Variants in ZCCHC4 observed in about 807,000 individuals in gnomAD.
The protein encoded by ZCCHC4 is zinc finger CCHC-type containing 4, also known as rRNA N(6)-adenosine-methyltransferase ZCCHC4.
A neutral mutation model predicts 67.7 loss-of-function variants in ZCCHC4; 54 were observed. That is an observed-to-expected ratio of 0.80 (90% confidence interval 0.64 to 1.00). The LOEUF (loss-of-function observed/expected upper bound fraction) is 1.00. Ranked by LOEUF, ZCCHC4 falls within the 50% of genes least tolerant of loss-of-function variation. The pLI, the probability that ZCCHC4 is intolerant of heterozygous loss-of-function variation, is 0.00. For synonymous variants in ZCCHC4, 198 were observed against 213.5 expected (o/e 0.93, Z 0.63); for missense variants, 609 against 617.0 (o/e 0.99, Z 0.14).
At chr4:25,348,000 G>GA (rs3839165) in intron 6 of ZCCHC4, among the ~76,000 whole-genome samples, 11,763 of 151,042 alleles carry the variant, frequency 0.078, 508 homozygotes, top group South Asian at 0.12. Flanking sequence ...TTCTTACCTG[G>GA]AAAAAAAAAT....
chr4:25,314,248 G>A (rs1322725139), intron 2 of ZCCHC4, 84 bp downstream of exon 2: 1 of 850,716 alleles, frequency 1.2e-6, no homozygotes. Context: ...ATAAAAATAT[G>A]CGGTCTGAAC....
chr4:25,343,900 A>G (rs1577749513), intron 5 of ZCCHC4, among the ~76,000 whole-genome samples: 1 of 152,312 alleles, frequency 6.6e-6, no homozygotes, highest in East Asian at 1.9e-4. Context: ...ATTTTTTTTC[A>G]GTCTTTTTAC....
chr4:25,364,579 C>A, intron 11 of ZCCHC4, 74 bp downstream of exon 11: 1 of 1,308,302 alleles, frequency 7.6e-7, no homozygotes, highest in East Asian at 2.5e-5. Context: ...ATAGATTTTT[C>A]ATTGGATTTA....
At chr4:25,328,106 G>A (rs1309371086) in intron 3 of ZCCHC4, among the ~76,000 whole-genome samples, 2 of 152,102 alleles carry the variant, frequency 1.3e-5, no homozygotes, top group Non-Finnish European at 1.5e-5. Context: ...AAATGAATTG[G>A]TAAGTGTTCT....
intron 8 of ZCCHC4, among the ~76,000 whole-genome samples, chr4:25,353,564 C>A (rs934757046): frequency 6.6e-6 from 1 of 152,188 alleles, no homozygotes; most frequent in African/African-American, 2.4e-5. Flanking sequence ...CATCTTCCGC[C>A]TTTGGCAATG....
chr4:25,325,011 A>G lies in ZCCHC4; in HGVS notation c.330-8172A>G, dbSNP rs547566862. ...GTAATCCCAGCACTTTGGGAGGCCAAGGCGGGTGGATCACGAGGTCAGGAG... is the reference window on the plus strand; with the variant it reads ...GTAATCCCAGCACTTTGGGAGGCCAGGGCGGGTGGATCACGAGGTCAGGAG... On this transcript the variant is annotated intron_variant, in intron 3 of 12. Transcript: ENST00000302874. Among the ~76,000 whole-genome samples the G allele has an allele frequency of 3.9e-5, 6 of 152,234 alleles. No homozygotes were observed. The South Asian group carries it at 1.0e-3, about 26-fold the overall frequency.
In ZCCHC4 at chr4:25,365,133, G is replaced by A. The variant is rs775897934; in HGVS notation, c.1373G>A (p.Cys458Tyr). Reference sequence around the variant, plus strand: ...GAACTGGATCATAAACGCAGTACTTGTCCTAACATTGCTACATCTAAGAGA... The same window carrying A: ...GAACTGGATCATAAACGCAGTACTTATCCTAACATTGCTACATCTAAGAGA... The part of the protein sequence containing the change: ...CGELDHKRST[C>Y]PNIATSKRAN... The change falls in exon 12 of 13, where the codon TGT becomes TAT. Residue 458 changes from cysteine (C) to tyrosine (Y), a missense_variant. Transcript: ENST00000302874. 5.6e-6 allele frequency: 9 copies of A among 1,614,002 alleles called. No homozygotes were observed. In the South Asian group the frequency reaches 6.6e-5, roughly 12 times the overall value.
intron 5 of ZCCHC4, among the ~76,000 whole-genome samples, chr4:25,345,102 C>A (rs1297895996): frequency 1.3e-5 from 2 of 151,878 alleles, no homozygotes; most frequent in African/African-American, 4.8e-5. Context: ...TGTGCCCGGC[C>A]TGTATTAAAT....
intron 8 of ZCCHC4, chr4:25,352,154 G>A (rs1720330568): frequency 2.0e-6 from 2 of 985,686 alleles, no homozygotes; most frequent in Non-Finnish European, 2.4e-6. Flanking sequence ...GATGTCAGGA[G>A]TGTCAGAGAA....
intron 2 of ZCCHC4, 151 bp downstream of exon 2, chr4:25,314,315 T>C (rs374945272): frequency 1.7e-6 from 1 of 592,940 alleles, no homozygotes; most frequent in East Asian, 2.6e-5. Context: ...GTTCAGAAAA[T>C]GAGTTCATGT....
intron 8 of ZCCHC4, chr4:25,361,573 C>T: frequency 2.8e-6 from 1 of 362,770 alleles, no homozygotes; most frequent in Non-Finnish European, 5.0e-6. Context: ...GTACATATGG[C>T]CTGCACCCAT....
Position 25,369,071 on chromosome 4 carries a change from A to G in ZCCHC4, c.1449A>G (p.Lys483=), listed in dbSNP as rs543601572. ...KQKQRKSNKM[K]METTKGQSMN... is the part of the protein sequence containing the mutation. ...AGCAAAGAAAAAGTAATAAGATGAA[A>G]ATGGAGACCACGAAAGGACAATCCA... Residue 483 remains lysine, a synonymous_variant, in exon 13 of 13, where the codon AAA becomes AAG. Coordinates refer to ENST00000302874, the MANE Select transcript of ZCCHC4 (RefSeq NM_024936.3). The G allele has an allele frequency of 2.1e-5, 34 of 1,613,464 alleles. No homozygotes were observed. The highest frequency in any genetic ancestry group is 1.9e-4 in the African/African-American group (14 of 75,014).
At chr4:25,364,418 T>G in intron 10 of ZCCHC4, 36 bp from the exon 11 acceptor site, 2 of 1,410,136 alleles carry the variant, frequency 1.4e-6, no homozygotes, top group Non-Finnish European at 1.9e-6. Flanking sequence ...AATAACAAAT[T>G]AATTATAATT....
intron 3 of ZCCHC4, among the ~76,000 whole-genome samples, chr4:25,331,324 A>G (rs1398189031): frequency 6.6e-6 from 1 of 152,182 alleles, no homozygotes; most frequent in Non-Finnish European, 1.5e-5. Context: ...TTTCTTTTAG[A>G]GACAGAGCCT....
chr4:25,360,172 G>A (rs541335231), intron 8 of ZCCHC4, among the ~76,000 whole-genome samples: 105 of 152,322 alleles, frequency 6.9e-4, no homozygotes, highest in African/African-American at 2.5e-3. Context: ...CCCACCATTA[G>A]CCATGGTCTT....
At chr4:25,351,237 C>G (rs552772063) in intron 7 of ZCCHC4, among the ~76,000 whole-genome samples, 4 of 152,202 alleles carry the variant, frequency 2.6e-5, no homozygotes, top group Non-Finnish European at 4.4e-5. Flanking sequence ...GCCTTCTAGT[C>G]CAGAGGTCCT....
intron 5 of ZCCHC4, among the ~76,000 whole-genome samples, chr4:25,335,083 ATTG>A (rs200347719): frequency 0.015 from 2,328 of 152,270 alleles, 35 homozygotes; most frequent in South Asian, 0.041. Flanking sequence ...GGCCTCCCAA[ATTG>A]TTGGGATTAC....
At chr4:25,368,720 CT>C (rs1721036843) in intron 12 of ZCCHC4, among the ~76,000 whole-genome samples, 2 of 152,140 alleles carry the variant, frequency 1.3e-5, no homozygotes, top group African/African-American at 4.8e-5. Flanking sequence ...GTACAAAAAA[CT>C]TTTTTAAAAA....
chr4:25,339,874 AT>A lies in ZCCHC4; in HGVS notation c.687-5659del, dbSNP rs530212923. On this transcript the variant is annotated intron_variant, in intron 5 of 12. Coordinates refer to ENST00000302874, the MANE Select transcript of ZCCHC4 (RefSeq NM_024936.3). Reference sequence around the variant, plus strand: ...ACTTAGGTCTTTAATCTATTTTGAGATTTTTTTTTTTTTTTGAGACGGAGTC... The same window carrying A: ...ACTTAGGTCTTTAATCTATTTTGAGATTTTTTTTTTTTTTGAGACGGAGTC... Among the ~76,000 whole-genome samples, 419 of 142,228 alleles carry A rather than the reference AT, an allele frequency of 2.9e-3. 1 individual carries two copies. The highest frequency in any genetic ancestry group is 4.6e-3 in the African/African-American group (180 of 38,954). The allele number at this position is 142,228 out of a possible 152,430, so 93.3% of individuals were successfully genotyped here.
Sources: gnomAD v4.1 joint callset for allele counts (sites outside exome capture counted in the v4.1 genomes callset) on GRCh38, gnomAD v4.1.1 for gene constraint, MANE v1.5 for transcripts, NCBI Gene and HGNC (gene_info 2026-07-23, HGNC 2026-07-21) for gene names.